The following LTBP1 variants were observed in gnomAD, a reference collection of about 807,000 sequenced individuals.
LTBP1 encodes the protein latent transforming growth factor beta binding protein 1.
A neutral mutation model predicts 207.6 loss-of-function variants in LTBP1; 129 were observed. That is an observed-to-expected ratio of 0.62 (90% CI 0.54 to 0.72). The LOEUF is 0.72. Ranked by LOEUF, LTBP1 falls within the 30% of genes least tolerant of loss-of-function variation. The pLI, the probability that LTBP1 is intolerant of heterozygous loss-of-function variation, is 0.00. For missense variants in LTBP1, 2,281 were observed against 2,217.2 expected (o/e 1.03, Z -0.58); for synonymous variants, 963 against 833.7 (o/e 1.16, Z -2.67).
intron 23 of LTBP1, among the ~76,000 whole-genome samples, chr2:33,310,566 A>G (rs377446560): frequency 1.2e-4 from 18 of 152,304 alleles, no homozygotes; most frequent in Middle Eastern, 3.4e-3. Context: ...GTTAGGGAGT[A>G]TGCTGCTCTC....
intron 7 of LTBP1, among the ~76,000 whole-genome samples, chr2:33,200,102 C>T (rs902863727): frequency 5.3e-5 from 8 of 152,194 alleles, no homozygotes; most frequent in African/African-American, 1.7e-4. Context: ...CAATGACTTT[C>T]TTCACAGAAT....
chr2:33,328,691 G>A (rs2094459446), intron 24 of LTBP1, among the ~76,000 whole-genome samples: 1 of 152,156 alleles, frequency 6.6e-6, no homozygotes, highest in African/African-American at 2.4e-5. Flanking sequence ...GACACATGGG[G>A]ATTATGGGGA....
intron 20 of LTBP1, among the ~76,000 whole-genome samples, chr2:33,294,650 C>T (rs138682989): frequency 0.028 from 4,051 of 144,956 alleles, 207 homozygotes; most frequent in African/African-American, 0.098. Context: ...ACGATCTTGG[C>T]TCACTGCAAC....
At chr2:33,204,636 G>C (rs2089684160) in intron 7 of LTBP1, among the ~76,000 whole-genome samples, 1 of 151,808 alleles carries the variant, frequency 6.6e-6, no homozygotes, top group Non-Finnish European at 1.5e-5. Context: ...CTGGAGTGCA[G>C]TGGCAGGATC....
intron 7 of LTBP1, among the ~76,000 whole-genome samples, chr2:33,198,202 A>C (rs2088794763): frequency 1.3e-5 from 2 of 152,162 alleles, no homozygotes; most frequent in South Asian, 4.1e-4. Flanking sequence ...GATTACATTT[A>C]TTGATTTGCG....
At chr2:33,345,615 A>T (rs777426547) in intron 25 of LTBP1, among the ~76,000 whole-genome samples, 23 of 152,236 alleles carry the variant, frequency 1.5e-4, no homozygotes, top group Non-Finnish European at 2.9e-4. Context: ...GGTATTTTTC[A>T]CAAGTGAAAC....
At chr2:33,182,583 A>C (rs1364628303) in intron 5 of LTBP1, among the ~76,000 whole-genome samples, 1 of 149,628 alleles carries the variant, frequency 6.7e-6, no homozygotes, top group African/African-American at 2.5e-5. Context: ...AATGGCACGA[A>C]CCCAGGAGGC....
chr2:33,243,375 A>G (rs1006579683), intron 9 of LTBP1, among the ~76,000 whole-genome samples: 1 of 152,212 alleles, frequency 6.6e-6, no homozygotes, highest in Non-Finnish European at 1.5e-5. Context: ...CCTAACATAA[A>G]CTAACACTAA....
At chr2:33,255,587 G>A (rs1377721774) in intron 11 of LTBP1, among the ~76,000 whole-genome samples, 3 of 152,162 alleles carry the variant, frequency 2.0e-5, no homozygotes, top group African/African-American at 7.2e-5. Context: ...CAACCCAAAT[G>A]TCCAACAATG....
chr2:33,171,360 T>G (rs1314526645), intron 5 of LTBP1, among the ~76,000 whole-genome samples: 1 of 146,164 alleles, frequency 6.8e-6, no homozygotes, highest in East Asian at 2.0e-4. Flanking sequence ...ACGTGAAGAA[T>G]GCAGAAGCCT....
intron 5 of LTBP1, among the ~76,000 whole-genome samples, chr2:33,136,437 A>G (rs927790180): frequency 1.3e-5 from 2 of 152,214 alleles, no homozygotes; most frequent in Non-Finnish European, 1.5e-5. Flanking sequence ...AATTTAGTCC[A>G]TCTCTAAGAT....
chr2:33,151,835 G>C (rs918444147), intron 5 of LTBP1, among the ~76,000 whole-genome samples: 2 of 54,082 alleles, frequency 3.7e-5, no homozygotes, highest in African/African-American at 8.3e-5. Flanking sequence ...GTGTGTGTGT[G>C]TGTGTGTGTG....
intron 5 of LTBP1, among the ~76,000 whole-genome samples, chr2:33,140,760 C>T (rs990500023): frequency 6.6e-5 from 10 of 151,390 alleles, no homozygotes; most frequent in Admixed American, 2.0e-4. Flanking sequence ...CTCCGCCTTC[C>T]GGGTTCAAGT....
At chr2:33,297,356 C>G (rs184372697) in intron 20 of LTBP1, among the ~76,000 whole-genome samples, 33 of 152,164 alleles carry the variant, frequency 2.2e-4, no homozygotes, top group African/African-American at 7.7e-4. Context: ...GATGAGAAAG[C>G]TCACACAGCT....
At position 33,399,286 on chromosome 2, in the gene LTBP1, A is replaced by G. The variant is rs1196565496; in HGVS notation, c.*741A>G. The G allele has an allele frequency of 6.6e-6, 1 of 152,242 alleles. No homozygotes were observed. Among genetic ancestry groups the G allele is most frequent in the Non-Finnish European group, 1.5e-5 (1 of 68,044 alleles). The allele number at this position is 152,242 out of a possible 1,614,324, so 9.4% of individuals were successfully genotyped here. On this transcript the variant is annotated 3_prime_UTR_variant, in exon 34 of 34. Coordinates refer to ENST00000404816, the MANE Select transcript of LTBP1 (RefSeq NM_206943.4). ...TTGTAATATGTAAAGTAAGCCCAACAAAAATTTTTAAAAATTTGATGATCC... is the reference window on the plus strand; with the variant it reads ...TTGTAATATGTAAAGTAAGCCCAACGAAAATTTTTAAAAATTTGATGATCC...
At chr2:33,366,517 A>G (rs2094989809) in intron 31 of LTBP1, among the ~76,000 whole-genome samples, 1 of 152,272 alleles carries the variant, frequency 6.6e-6, no homozygotes, top group Non-Finnish European at 1.5e-5. Context: ...GAAAATGAAT[A>G]GCCAAGGATA....
chr2:33,000,644 G>A (rs1315257224), intron 2 of LTBP1, among the ~76,000 whole-genome samples: 1 of 135,460 alleles, frequency 7.4e-6, no homozygotes, highest in Non-Finnish European at 1.6e-5. Context: ...TCTCCTGTCT[G>A]TAAGCGCCCA....
At chr2:33,290,407 C>T (rs1270579816) in intron 19 of LTBP1, among the ~76,000 whole-genome samples, 1 of 152,188 alleles carries the variant, frequency 6.6e-6, no homozygotes, top group Non-Finnish European at 1.5e-5. Context: ...ATCATTACCA[C>T]CCAGGGCCCC....
Position 33,300,510 on chromosome 2 carries a change from G to A in LTBP1, c.3295G>A (p.Gly1099Ser), listed in dbSNP as rs367612621. The A allele has an allele frequency of 1.4e-5, 22 of 1,613,634 alleles. No homozygotes were observed. In the South Asian group the frequency reaches 1.8e-4, roughly 13 times the overall value. Residue 1099 changes from glycine (G) to serine (S), a missense_variant, in exon 21 of 34, where the codon GGC (glycine) becomes AGC (serine). Gly to Ser is a moderately conservative substitution (Grantham distance 56). Coordinates refer to ENST00000404816, the MANE Select transcript of LTBP1 (RefSeq NM_206943.4). ...AAACGGGCAGTGCAAAAATACCGAG[G>A]GCTCCTTCAGGTGCACCTGTGGACA... ...CVNGQCKNTE[G>S]SFRCTCGQGY...
Sources: gnomAD v4.1 joint callset for allele counts (sites outside exome capture counted in the v4.1 genomes callset) on GRCh38, gnomAD v4.1.1 for gene constraint, MANE v1.5 for transcripts, NCBI Gene and HGNC (gene_info 2026-07-23, HGNC 2026-07-21) for gene names.